Variants in PTPRN2 observed in about 807,000 individuals in gnomAD.
PTPRN2 encodes receptor-type tyrosine-protein phosphatase N2.
A neutral mutation model predicts 118.8 loss-of-function variants in PTPRN2; 74 were observed. That is an observed-to-expected ratio of 0.62 (90% CI 0.52 to 0.76). PTPRN2 has a LOEUF of 0.76. Ranked by LOEUF, PTPRN2 falls within the 30% of genes least tolerant of loss-of-function variation. The pLI, the probability that PTPRN2 is intolerant of heterozygous loss-of-function variation, is 0.00. For synonymous variants in PTPRN2, 641 were observed against 608.0 expected (o/e 1.05, Z -0.80); for missense variants, 1,481 against 1,394.4 (o/e 1.06, Z -0.99).
rs1024126830 is a variant in PTPRN2 at position 157,629,175 on chromosome 7, C to T, written c.2197-7666G>A. On this transcript the variant is annotated intron_variant, in intron 14 of 22. Coordinates refer to ENST00000389418, the MANE Select transcript of PTPRN2 (RefSeq NM_002847.5). The surrounding 1 kb of genome is among the most constrained non-coding windows in gnomAD (Gnocchi z 4.4). The stretch of plus-strand genomic sequence containing the variant: ...TCCAGATGTGGTTCCATGTGAATCC[C>T]GTCCACAGGCACTGGGATCCTGGGT... 2.6e-5 allele frequency among the ~76,000 whole-genome samples: 4 copies of T among 152,038 alleles called. No individual in the cohort carries two copies. Among genetic ancestry groups the T allele is most frequent in the African/African-American group, 4.8e-5 (2 of 41,384 alleles).
At chr7:157,693,358 G>A (rs1246757338) in intron 12 of PTPRN2, among the ~76,000 whole-genome samples, 1 of 152,082 alleles carries the variant, frequency 6.6e-6, no homozygotes, top group African/African-American at 2.4e-5. Flanking sequence ...AACCCCTCCA[G>A]GACTGGAGGC....
At chr7:158,295,445 C>T (rs59799423) in intron 3 of PTPRN2, among the ~76,000 whole-genome samples, 1 of 41,358 alleles carries the variant, frequency 2.4e-5, no homozygotes, top group African/African-American at 9.7e-5. Flanking sequence ...GTGGTTCACC[C>T]ACCTTTCCGA....
At chr7:158,567,138 A>G (rs2129451222) in intron 1 of PTPRN2, among the ~76,000 whole-genome samples, 1 of 152,356 alleles carries the variant, frequency 6.6e-6, no homozygotes, top group East Asian at 1.9e-4. Flanking sequence ...TGTGCTTCTA[A>G]TTTAAGTATC....
intron 3 of PTPRN2, among the ~76,000 whole-genome samples, chr7:158,259,544 C>A (rs1040929936): frequency 2.0e-5 from 3 of 152,188 alleles, no homozygotes; most frequent in Non-Finnish European, 2.9e-5. Flanking sequence ...TAGAGGAGGG[C>A]GTGTCTGCCA....
intron 11 of PTPRN2, among the ~76,000 whole-genome samples, chr7:158,060,551 C>T (rs1365103529): frequency 6.6e-6 from 1 of 152,234 alleles, no homozygotes; most frequent in Non-Finnish European, 1.5e-5. Context: ...TGGGACCCAC[C>T]CTCATGGAGT....
At position 157,874,734 on chromosome 7, in the gene PTPRN2, C is replaced by A. The variant is rs1368065973; in HGVS notation, c.1788+23939G>T. ...ACTCATGCACACACACACAGAGACA[C>A]ACTCATGCACATACACAGACACACA... On this transcript the variant is annotated intron_variant, in intron 12 of 22. Coordinates refer to ENST00000389418, the MANE Select transcript of PTPRN2 (RefSeq NM_002847.5). The surrounding 1 kb of genome is among the most constrained non-coding windows in gnomAD (Gnocchi z 5.8). Among the ~76,000 whole-genome samples the A allele has an allele frequency of 6.6e-6, 1 of 151,944 alleles. No homozygotes were observed. Among genetic ancestry groups the A allele is most frequent in the Non-Finnish European group, 1.5e-5 (1 of 68,032 alleles).
chr7:157,732,005 T>C (rs191432679), intron 12 of PTPRN2, among the ~76,000 whole-genome samples: 1,096 of 38,024 alleles, frequency 0.029, 4 homozygotes, highest in Middle Eastern at 0.12. Flanking sequence ...CCCTTTCCCG[T>C]CCCATGGCCC....
At chr7:158,399,825 G>T (rs117392603) in intron 2 of PTPRN2, among the ~76,000 whole-genome samples, 2,958 of 152,322 alleles carry the variant, frequency 0.019, 30 homozygotes, top group Middle Eastern at 0.031. Context: ...TCAAGGGGTG[G>T]TGTAGCTGAG....
At chr7:157,963,531 A>T (rs1276492831) in intron 11 of PTPRN2, among the ~76,000 whole-genome samples, 1 of 152,278 alleles carries the variant, frequency 6.6e-6, no homozygotes, top group Non-Finnish European at 1.5e-5. Flanking sequence ...GTTGCTAACC[A>T]GCCCATCAGC....
chr7:158,484,519 C>A (rs1820864411), intron 2 of PTPRN2, among the ~76,000 whole-genome samples: 1 of 152,198 alleles, frequency 6.6e-6, no homozygotes, highest in African/African-American at 2.4e-5. Flanking sequence ...CGCGCCACCA[C>A]GCCCAGCTAA....
intron 12 of PTPRN2, chr7:157,865,063 G>C (rs1810545163): frequency 6.6e-6 from 1 of 152,656 alleles, no homozygotes; most frequent in African/African-American, 2.4e-5. Context: ...GTGTGCATGT[G>C]TGGCTGGGTG....
chr7:157,720,578 T>A (rs1799176240), intron 12 of PTPRN2, among the ~76,000 whole-genome samples: 1 of 152,220 alleles, frequency 6.6e-6, no homozygotes, highest in African/African-American at 2.4e-5. Flanking sequence ...CACCGATGCA[T>A]GGGTGTGCAC....
At chr7:158,249,675 G>A (rs1406111329) in intron 3 of PTPRN2, among the ~76,000 whole-genome samples, 2 of 152,206 alleles carry the variant, frequency 1.3e-5, no homozygotes, top group Non-Finnish European at 2.9e-5. Context: ...TGTGGAAGAG[G>A]GGTTTCCTAT....
chr7:158,203,266 GAGGAAAGAAAA>G lies in PTPRN2; in HGVS notation c.380+1894_380+1904del, dbSNP rs1826799763. 3.0e-5 allele frequency among the ~76,000 whole-genome samples: 4 copies of G among 131,430 alleles called. No individual in the cohort carries two copies. In the South Asian group the frequency reaches 1.0e-3, roughly 33 times the overall value. The allele number at this position is 131,430 out of a possible 152,430, so 86.2% of individuals were successfully genotyped here. A position where few individuals can be genotyped will look rare whatever the true frequency, so the allele number is the denominator to read the frequency against. On this transcript the variant is annotated intron_variant, in intron 4 of 22. Coordinates refer to ENST00000389418, the MANE Select transcript of PTPRN2 (RefSeq NM_002847.5). Reference sequence around the variant, plus strand: ...AAAAAAAAAAAGAAGAGGAAAGAAAGAGGAAAGAAAAAGGAAGGAAGGAAGGGAGGAAGGAA... The same window carrying G: ...AAAAAAAAAAAGAAGAGGAAAGAAAGAGGAAGGAAGGAAGGGAGGAAGGAA...
chr7:157,805,288 CCTGTG>C (rs1805555712), intron 12 of PTPRN2, among the ~76,000 whole-genome samples: 1 of 89,764 alleles, frequency 1.1e-5, no homozygotes, highest in African/African-American at 5.2e-5. Flanking sequence ...TATATATACT[CCTGTG>C]TGTGTGTGTG....
At position 157,849,977 on chromosome 7, in the gene PTPRN2, G is replaced by T. The variant is rs547456468; in HGVS notation, c.1788+48696C>A. 5.3e-5 allele frequency among the ~76,000 whole-genome samples: 8 copies of T among 152,350 alleles called. No homozygotes were observed. In the East Asian group the frequency reaches 1.3e-3, roughly 26 times the overall value. ...AGATAGCCAGGCTCCCCGTCCCTCA[G>T]GGATGGTCTTCCAAGGATTGGAGCA... On this transcript the variant is annotated intron_variant, in intron 12 of 22. Transcript: ENST00000389418.
chr7:158,452,135 C>T (rs531416574), intron 2 of PTPRN2, among the ~76,000 whole-genome samples: 5 of 152,280 alleles, frequency 3.3e-5, no homozygotes, highest in South Asian at 2.1e-4. Flanking sequence ...CCGTCTGTTC[C>T]CCACTCTGGC....
intron 12 of PTPRN2, among the ~76,000 whole-genome samples, chr7:157,820,187 CACAT>C (rs1325567873): frequency 6.7e-6 from 1 of 148,922 alleles, no homozygotes; most frequent in African/African-American, 2.5e-5. Flanking sequence ...CTTATGCACT[CACAT>C]ATATATGAAC....
intron 3 of PTPRN2, among the ~76,000 whole-genome samples, chr7:158,276,856 G>A (rs567551301): frequency 1.6e-4 from 25 of 152,340 alleles, no homozygotes; most frequent in East Asian, 7.7e-4. Context: ...AGGCAGGGGC[G>A]GAGGGTGCGA....
Sources: gnomAD v4.1 joint callset for allele counts (sites outside exome capture counted in the v4.1 genomes callset) on GRCh38, gnomAD v4.1.1 for gene constraint, Gnocchi (gnomAD v3.1) non-coding constraint, MANE v1.5 for transcripts, NCBI Gene and HGNC (gene_info 2026-07-23, HGNC 2026-07-21) for gene names.